The following USP34 variants were observed in gnomAD, a reference collection of about 807,000 sequenced individuals.
The protein encoded by USP34 is ubiquitin specific peptidase 34.
Under a neutral mutation model 460.3 loss-of-function variants are expected in USP34, and 70 were observed. The ratio of observed to expected loss-of-function variants is 0.15; its 90% confidence interval spans 0.13 to 0.19. USP34 has a LOEUF of 0.19. Ranked by LOEUF, USP34 falls within the 10% of genes least tolerant of loss-of-function variation. The pLI is 1.00. For synonymous variants in USP34, 1,647 were observed against 1,405.3 expected, an observed-to-expected ratio of 1.17 and a Z score of -3.85; for missense variants, 3,985 against 4,236.2, an observed-to-expected ratio of 0.94 and a Z score of 1.65.
intron 10 of USP34, among the ~76,000 whole-genome samples, chr2:61,367,442 C>T (rs924959087): frequency 3.9e-5 from 6 of 152,166 alleles, no homozygotes; most frequent in East Asian, 3.8e-4. Flanking sequence ...TACACCACTG[C>T]GCTCCAGCCT....
At chr2:61,326,598 T>C (rs1474572297) in intron 20 of USP34, among the ~76,000 whole-genome samples, 1 of 152,066 alleles carries the variant, frequency 6.6e-6, no homozygotes, top group Non-Finnish European at 1.5e-5. Flanking sequence ...GTCTATAATA[T>C]CACATTCTAG....
intron 2 of USP34, among the ~76,000 whole-genome samples, chr2:61,417,744 CTT>C (rs55680146): frequency 5.7e-4 from 50 of 87,910 alleles, no homozygotes; most frequent in East Asian, 1.3e-3. Context: ...TTTTTCTTTT[CTT>C]TTTTTTTTTT....
chr2:61,204,189 G>A, intron 74 of USP34, 67 bp downstream of exon 74: 1 of 1,601,468 alleles, frequency 6.2e-7, no homozygotes. Context: ...ATTCATAACT[G>A]CCAGGGGAAA....
chr2:61,446,358 C>T (rs1158079399), intron 1 of USP34, among the ~76,000 whole-genome samples: 2 of 152,056 alleles, frequency 1.3e-5, no homozygotes, highest in African/African-American at 4.8e-5. Flanking sequence ...CTGAAATGAT[C>T]TAAAGTTGAA....
Position 61,257,361 on chromosome 2 carries a change from A to C in USP34, c.5845-11T>G. Reference sequence around the variant, plus strand: ...TTTGCATTCACTCTCCTGCAAATAAAAAGGGGAACATTCTAAGTGTCAGAT... The same window carrying C: ...TTTGCATTCACTCTCCTGCAAATAACAAGGGGAACATTCTAAGTGTCAGAT... On this transcript the variant is annotated splice_polypyrimidine_tract_variant and intron_variant, in intron 44 of 79. Transcript: ENST00000398571. 1 of 1,560,030 alleles carries C rather than the reference A, an allele frequency of 6.4e-7. No individual in the cohort carries two copies. Among genetic ancestry groups the C allele is most frequent in the Non-Finnish European group, 8.6e-7 (1 of 1,157,334 alleles).
intron 5 of USP34, among the ~76,000 whole-genome samples, chr2:61,384,572 T>C (rs979267570): frequency 6.6e-6 from 1 of 150,614 alleles, no homozygotes; most frequent in African/African-American, 2.4e-5. Flanking sequence ...CTCTGGGAGG[T>C]TGAGGTGGGA....
intron 49 of USP34, among the ~76,000 whole-genome samples, chr2:61,247,456 C>G (rs1275858275): frequency 6.6e-6 from 1 of 152,226 alleles, no homozygotes; most frequent in Admixed American, 6.5e-5. Flanking sequence ...ATTCTGCTCT[C>G]TCCACAAGTG....
intron 67 of USP34, among the ~76,000 whole-genome samples, chr2:61,215,695 C>T (rs1178409052): frequency 2.0e-5 from 3 of 152,072 alleles, no homozygotes; most frequent in Non-Finnish European, 4.4e-5. Context: ...TAGATTTTGC[C>T]TTGAGAAACA....
intron 20 of USP34, among the ~76,000 whole-genome samples, chr2:61,328,842 T>C (rs985688726): frequency 6.6e-6 from 1 of 152,222 alleles, no homozygotes; most frequent in Non-Finnish European, 1.5e-5. Context: ...TGACTTCCAT[T>C]TCCCTTTCAC....
intron 5 of USP34, 51 bp downstream of exon 5, chr2:61,394,802 A>T: frequency 1.5e-6 from 2 of 1,342,348 alleles, no homozygotes; most frequent in Non-Finnish European, 2.0e-6. Flanking sequence ...CATGTTACTG[A>T]TATGCTAGAC....
At chr2:61,259,059 A>G (rs752736518) in intron 44 of USP34, among the ~76,000 whole-genome samples, 40 of 152,134 alleles carry the variant, frequency 2.6e-4, no homozygotes, top group Non-Finnish European at 7.3e-5. Context: ...CAGGAGTTCG[A>G]GACCAGCCTG....
At chr2:61,468,197 T>A (rs1298791858) in intron 1 of USP34, among the ~76,000 whole-genome samples, 1 of 152,098 alleles carries the variant, frequency 6.6e-6, no homozygotes. Context: ...AAAAAAAATG[T>A]TTTTTGAGAC....
intron 3 of USP34, among the ~76,000 whole-genome samples, chr2:61,399,874 C>CAAAATAAAAAAAA (rs1693658352): frequency 1.4e-5 from 1 of 69,984 alleles, no homozygotes; most frequent in Non-Finnish European, 2.6e-5. Flanking sequence ...CACTGTCTCC[C>CAAAATAAAAAAAA]AAAAAAAAAA....
At chr2:61,289,605 A>G (rs1689787579) in intron 33 of USP34, among the ~76,000 whole-genome samples, 1 of 152,108 alleles carries the variant, frequency 6.6e-6, no homozygotes, top group Admixed American at 6.5e-5. Flanking sequence ...CTACACAAAC[A>G]TACCAGAAAG....
At chr2:61,378,458 T>C (rs189570617) in intron 7 of USP34, 34 bp from the exon 8 acceptor site, 22 of 1,478,268 alleles carry the variant, frequency 1.5e-5, no homozygotes, top group Non-Finnish European at 2.0e-5. Context: ...AGGGTTTTTA[T>C]TTCCAAAATT....
intron 61 of USP34, among the ~76,000 whole-genome samples, chr2:61,228,135 A>G (rs1209687797): frequency 6.6e-6 from 1 of 152,242 alleles, no homozygotes; most frequent in Non-Finnish European, 1.5e-5. Context: ...CAATTGTCTC[A>G]TCTGTTAAAT....
chr2:61,440,178 C>T (rs1338653604), intron 1 of USP34, among the ~76,000 whole-genome samples: 1 of 152,158 alleles, frequency 6.6e-6, no homozygotes, highest in Non-Finnish European at 1.5e-5. Flanking sequence ...CTGCTTGAGT[C>T]CTGTGGGGTT....
chr2:61,376,140 C>G (rs961382343), intron 8 of USP34, among the ~76,000 whole-genome samples: 1 of 149,320 alleles, frequency 6.7e-6, no homozygotes, highest in East Asian at 1.9e-4. Context: ...GACAGCTGCA[C>G]AACTCTAAGA....
At chr2:61,381,650 A>C (rs1025884272) in intron 6 of USP34, among the ~76,000 whole-genome samples, 19 of 152,080 alleles carry the variant, frequency 1.2e-4, no homozygotes, top group African/African-American at 4.6e-4. Context: ...TATTGTTGTA[A>C]GCCACTAAGT....
Sources: allele counts gnomAD v4.1 joint callset (sites outside exome capture counted in the v4.1 genomes callset), GRCh38; gene constraint gnomAD v4.1.1; transcripts MANE v1.5; gene names NCBI Gene and HGNC (gene_info 2026-07-23, HGNC 2026-07-21).